The following SAMD3 variants were observed in gnomAD, a reference collection of about 807,000 sequenced individuals.
SAMD3 encodes sterile alpha motif domain containing 3, also known as sterile alpha motif domain-containing protein 3.
SAMD3 carries 63 observed loss-of-function variants against 58.5 expected under a neutral mutation model. The ratio of observed to expected loss-of-function variants is 1.08; its 90% confidence interval spans 0.88 to 1.33. The LOEUF (loss-of-function observed/expected upper bound fraction) is 1.33. Ranked by LOEUF, SAMD3 falls within the 40% of genes most tolerant of loss-of-function variation. SAMD3 has a pLI of 0.00. For missense variants in SAMD3, 604 were observed against 608.4 expected (o/e 0.99, Z 0.08); for synonymous variants, 220 against 210.3 (o/e 1.05, Z -0.40).
intron 2 of SAMD3, among the ~76,000 whole-genome samples, chr6:130,265,411 G>A (rs1774305266): frequency 6.6e-6 from 1 of 152,152 alleles, no homozygotes; most frequent in Non-Finnish European, 1.5e-5. Flanking sequence ...CACGGCCGAA[G>A]CATGAGGAAA....
chr6:130,146,934 A>T (rs977109781), intron 9 of SAMD3, among the ~76,000 whole-genome samples: 2 of 152,114 alleles, frequency 1.3e-5, no homozygotes, highest in Admixed American at 6.6e-5. Flanking sequence ...AGACTGTGCC[A>T]CTGCACTCCA....
intron 2 of SAMD3, among the ~76,000 whole-genome samples, chr6:130,228,247 G>A (rs1022152042): frequency 6.6e-6 from 1 of 152,204 alleles, no homozygotes; most frequent in Non-Finnish European, 1.5e-5. Flanking sequence ...CTGTTGACAG[G>A]TTGTGAGAAC....
At chr6:130,231,642 C>T (rs898722321) in intron 2 of SAMD3, among the ~76,000 whole-genome samples, 3 of 152,122 alleles carry the variant, frequency 2.0e-5, no homozygotes, top group Non-Finnish European at 4.4e-5. Flanking sequence ...ATTAGACATA[C>T]CTTTTAAATG....
intron 2 of SAMD3, among the ~76,000 whole-genome samples, chr6:130,238,202 T>C (rs1773230217): frequency 6.6e-6 from 1 of 152,168 alleles, no homozygotes; most frequent in Non-Finnish European, 1.5e-5. Flanking sequence ...GATAACTACG[T>C]GCACAGAGGC....
chr6:130,152,033 A>AC (rs758066660), intron 9 of SAMD3, among the ~76,000 whole-genome samples: 85 of 152,164 alleles, frequency 5.6e-4, no homozygotes, highest in Non-Finnish European at 1.1e-3. Flanking sequence ...GCCTTGTTGA[A>AC]AGAAAGTTTT....
chr6:130,287,672 G>A (rs982591286), intron 2 of SAMD3, among the ~76,000 whole-genome samples: 1 of 152,032 alleles, frequency 6.6e-6, no homozygotes, highest in Non-Finnish European at 1.5e-5. Context: ...GTGGCCGGGC[G>A]CAGTGGCTCA....
intron 1 of SAMD3, among the ~76,000 whole-genome samples, chr6:130,354,316 A>T (rs1262214675): frequency 6.6e-6 from 1 of 152,196 alleles, no homozygotes; most frequent in Non-Finnish European, 1.5e-5. Context: ...CAGTAATCCC[A>T]TTACTGAGTA....
chr6:130,259,851 C>T (rs1213718860), intron 2 of SAMD3, among the ~76,000 whole-genome samples: 1 of 152,180 alleles, frequency 6.6e-6, no homozygotes, highest in East Asian at 1.9e-4. Flanking sequence ...AAGATATTGA[C>T]ATTAACTTAA....
chr6:130,293,464 C>A (rs541519078), intron 2 of SAMD3, among the ~76,000 whole-genome samples: 5 of 151,870 alleles, frequency 3.3e-5, no homozygotes, highest in Admixed American at 1.3e-4. Context: ...AGACAAAGAT[C>A]GAAATAATGT....
chr6:130,254,523 T>G (rs1353546800), intron 2 of SAMD3, among the ~76,000 whole-genome samples: 1 of 151,934 alleles, frequency 6.6e-6, no homozygotes, highest in Non-Finnish European at 1.5e-5. Context: ...GAGATAAGGT[T>G]TTGCCATGTT....
At chr6:130,302,161 A>G (rs1229857117) in intron 2 of SAMD3, among the ~76,000 whole-genome samples, 1 of 152,220 alleles carries the variant, frequency 6.6e-6, no homozygotes, top group African/African-American at 2.4e-5. Flanking sequence ...CAATCAATAG[A>G]ATAAACAGAC....
At chr6:130,356,579 T>G (rs192715376) in intron 1 of SAMD3, among the ~76,000 whole-genome samples, 2 of 152,346 alleles carry the variant, frequency 1.3e-5, no homozygotes, top group Non-Finnish European at 2.9e-5. Flanking sequence ...GGGTGAAGAC[T>G]ATGGTCTGGA....
chr6:130,154,715 AAAAATATATATAT>A (rs1400164615), intron 9 of SAMD3, 97 bp downstream of exon 9: 48 of 99,370 alleles, frequency 4.8e-4, no homozygotes, highest in African/African-American at 1.9e-3. Context: ...AAAAAAAAAA[AAAAATATATATAT>A]ATATATATAT....
chr6:130,162,117 A>C, intron 8 of SAMD3: 1 of 554,468 alleles, frequency 1.8e-6, no homozygotes, highest in Non-Finnish European at 3.2e-6. Context: ...AAGCCAAACA[A>C]ATTGTATAAA....
intron 2 of SAMD3, among the ~76,000 whole-genome samples, chr6:130,235,834 A>AT (rs1265830695): frequency 6.6e-6 from 1 of 152,152 alleles, no homozygotes; most frequent in African/African-American, 2.4e-5. Flanking sequence ...TTACTGAGCA[A>AT]TTTATATGTT....
intron 1 of SAMD3, among the ~76,000 whole-genome samples, chr6:130,314,821 C>T (rs977336851): frequency 2.6e-5 from 4 of 152,070 alleles, no homozygotes; most frequent in Admixed American, 6.5e-5. Flanking sequence ...AAACTTTGAC[C>T]TGGCATTGGA....
rs534139072 is a variant in SAMD3 at position 130,312,879 on chromosome 6, T to C, written c.-188+99A>G. 10 of 152,356 alleles carry C rather than the reference T, an allele frequency of 6.6e-5. No individual in the cohort carries two copies. The East Asian group carries it at 1.9e-3, about 29-fold the overall frequency. 9.4% of individuals were successfully genotyped at this position (152,356 alleles called of 1,614,324 possible). ...TTTCTCAATAATTTGGTGATTTATC[T>C]GGCTGGTTATTCTTTTTTAAGAGTC... On this transcript the variant is annotated intron_variant, in intron 2 of 13. Transcript: ENST00000368134.
intron 1 of SAMD3, among the ~76,000 whole-genome samples, chr6:130,362,473 A>G (rs1778016710): frequency 6.6e-6 from 1 of 152,218 alleles, no homozygotes; most frequent in African/African-American, 2.4e-5. Flanking sequence ...TTGCAACAAA[A>G]ACAGTCAAAA....
At chr6:130,334,922 T>C (rs1347570228) in intron 1 of SAMD3, among the ~76,000 whole-genome samples, 1 of 152,238 alleles carries the variant, frequency 6.6e-6, no homozygotes, top group Non-Finnish European at 1.5e-5. Context: ...ACAGCCAGCA[T>C]GCATGCTTAG....
Sources: allele counts gnomAD v4.1 joint callset (sites outside exome capture counted in the v4.1 genomes callset), GRCh38; gene constraint gnomAD v4.1.1; transcripts MANE v1.5; gene names NCBI Gene and HGNC (gene_info 2026-07-23, HGNC 2026-07-21).